The following DTL variants were observed in gnomAD, a reference collection of about 807,000 sequenced individuals.
DTL encodes the protein denticleless E3 ubiquitin protein ligase adapter.
Under a neutral mutation model 87.0 loss-of-function variants are expected in DTL, and 46 were observed. The observed-to-expected ratio is 0.53, with a 90% confidence interval of 0.42 to 0.68. DTL has a LOEUF of 0.68. Ranked by LOEUF, DTL falls within the 30% of genes least tolerant of loss-of-function variation. The pLI, the probability that DTL is intolerant of heterozygous loss-of-function variation, is 0.00. For synonymous variants in DTL, 308 were observed against 311.2 expected (o/e 0.99, Z 0.11); for missense variants, 737 against 869.4 (o/e 0.85, Z 1.91).
intron 5 of DTL, among the ~76,000 whole-genome samples, chr1:212,054,407 C>A (rs2358436): frequency 0.33 from 44,858 of 136,116 alleles, 8,264 homozygotes; most frequent in Middle Eastern, 0.45. Flanking sequence ...ACCACACACA[C>A]AAAAAAAAAA....
intron 14 of DTL, among the ~76,000 whole-genome samples, chr1:212,102,258 G>A (rs1237133670): frequency 6.6e-6 from 1 of 152,102 alleles, no homozygotes; most frequent in Non-Finnish European, 1.5e-5. Flanking sequence ...AATTATGACT[G>A]CTCTTTATCC....
chr1:212,044,345 C>T (rs906953287), intron 2 of DTL, among the ~76,000 whole-genome samples: 2 of 152,170 alleles, frequency 1.3e-5, no homozygotes, highest in African/African-American at 4.8e-5. Context: ...TGGCTCACGC[C>T]TGTAATCCCA....
chr1:212,053,187 T>G (rs1186642373), intron 5 of DTL, among the ~76,000 whole-genome samples: 1 of 152,210 alleles, frequency 6.6e-6, no homozygotes, highest in East Asian at 1.9e-4. Flanking sequence ...AAGTTCACTT[T>G]CTCTATTTTC....
chr1:212,054,425 CA>C (rs1265481295), intron 5 of DTL, among the ~76,000 whole-genome samples: 33 of 150,376 alleles, frequency 2.2e-4, no homozygotes, highest in African/African-American at 7.8e-4. Context: ...AAAAAAACAC[CA>C]AAAAACCCAG....
intron 1 of DTL, 108 bp from the exon 2 acceptor site, chr1:212,042,885 A>G (rs970082978): frequency 2.3e-5 from 24 of 1,034,930 alleles, no homozygotes; most frequent in Middle Eastern, 2.3e-4. Context: ...AAGTGGATCT[A>G]TGTTAATATC....
Position 212,047,485 on chromosome 1 carries a change from T to C in DTL, c.460+68T>C, listed in dbSNP as rs970373599. The stretch of plus-strand genomic sequence containing the variant: ...GCAGTTGGGAGATAAGAACCTGTAA[T>C]TGTTTCTACCCTTTCCCCTGTCAAA... On this transcript the variant is annotated intron_variant, in intron 5 of 14. Coordinates refer to ENST00000366991, the MANE Select transcript of DTL (RefSeq NM_016448.4). 14 of 1,586,932 alleles carry C rather than the reference T, an allele frequency of 8.8e-6. No homozygotes were observed. In the East Asian group the frequency reaches 3.1e-4, roughly 36 times the overall value.
intron 7 of DTL, 21 bp downstream of exon 7, chr1:212,065,050 A>G: frequency 6.6e-7 from 1 of 1,521,898 alleles, no homozygotes; most frequent in South Asian, 1.1e-5. Flanking sequence ...ACAGATGTAT[A>G]CATGTGTGCA....
At chr1:212,058,516 A>C (rs1668247048) in intron 5 of DTL, among the ~76,000 whole-genome samples, 1 of 152,108 alleles carries the variant, frequency 6.6e-6, no homozygotes, top group East Asian at 1.9e-4. Flanking sequence ...ATTGAAACCC[A>C]ACATACCAAA....
In DTL at chr1:212,078,254, T is replaced by G. The variant is rs766206516; in HGVS notation, c.1117T>G (p.Phe373Val). The G allele has an allele frequency of 6.3e-7, 1 of 1,597,940 alleles. No homozygotes were observed. Among genetic ancestry groups the G allele is most frequent in the East Asian group, 2.2e-5 (1 of 44,754 alleles). ...GTCTGTGTGCTGGTGTCCATCTGAC[T>G]TCACAAAGGTTTGTAAATGAATCTC... is the stretch of plus-strand genomic sequence containing the variant. ...VTSVCWCPSDFTKIATCSDDN... is the reference protein window; with the variant it reads ...VTSVCWCPSDVTKIATCSDDN... The change falls in exon 12 of 15, where the codon TTC becomes GTC. Residue 373 changes from phenylalanine to valine, a missense_variant. Physicochemically the swap from Phe to Val is conservative, Grantham distance 50. Transcript: ENST00000366991.
intron 13 of DTL, 35 bp downstream of exon 13, chr1:212,080,785 G>A (rs1409583258): frequency 3.1e-6 from 5 of 1,608,636 alleles, no homozygotes; most frequent in Admixed American, 1.7e-5. Flanking sequence ...GTTTTTTATG[G>A]TTTGACTAGT....
chr1:212,047,086 T>TA lies in DTL; in HGVS notation c.278-64dup, dbSNP rs1393332609. On this transcript the variant is annotated intron_variant, in intron 3 of 14. Transcript: ENST00000366991. ...CTACAGCTTTCCAGGCATTTAAAGT[T>TA]ATATTAATATGGGTACCACAGAATA... The TA allele has an allele frequency of 2.1e-6, 3 of 1,457,636 alleles. No homozygotes were observed. In the East Asian group the frequency reaches 6.8e-5, roughly 33 times the overall value. The allele number at this position is 1,457,636 out of a possible 1,614,324, so 90.3% of individuals were successfully genotyped here. A position where few individuals can be genotyped will look rare whatever the true frequency, so the allele number is the denominator to read the frequency against.
At chr1:212,081,253 A>T (rs771823717) in intron 13 of DTL, among the ~76,000 whole-genome samples, 10 of 152,178 alleles carry the variant, frequency 6.6e-5, no homozygotes, top group Non-Finnish European at 1.2e-4. Context: ...AAGAAAGTGA[A>T]GTAGTAAGCC....
chr1:212,072,397 A>G (rs1654700436), intron 11 of DTL, among the ~76,000 whole-genome samples, 184 bp downstream of exon 11: 1 of 152,210 alleles, frequency 6.6e-6, no homozygotes. Context: ...AATGTATGAC[A>G]CTTTCAGGGC....
At position 212,100,444 on chromosome 1, in the gene DTL, C is replaced by G; in HGVS notation, c.1454C>G (p.Ser485Cys). ...KARSPINRRG[S>C]VSSVSPKPPS... ...CGGTCTCCCATCAACAGAAGAGGCT[C>G]TGTCTCCTCCGTCTCTCCCAAGCCA... is the stretch of plus-strand genomic sequence containing the variant. Residue 485 changes from serine (S) to cysteine (C), a missense_variant, in exon 14 of 15, where the codon TCT becomes TGT. Physicochemically the swap from Ser to Cys is moderately radical, Grantham distance 112 (BLOSUM62 -1). Transcript: ENST00000366991. 6.2e-7 allele frequency: 1 copy of G among 1,614,054 alleles called. No individual in the cohort carries two copies. Among genetic ancestry groups the G allele is most frequent in the Non-Finnish European group, 8.5e-7 (1 of 1,179,986 alleles).
intron 5 of DTL, among the ~76,000 whole-genome samples, chr1:212,062,585 C>T (rs1161255802): frequency 6.6e-6 from 1 of 152,142 alleles, no homozygotes; most frequent in East Asian, 1.9e-4. Flanking sequence ...GAATAAGAAG[C>T]ACTCTGTATT....
At chr1:212,056,392 CTA>C (rs1558075712) in intron 5 of DTL, among the ~76,000 whole-genome samples, 1 of 152,170 alleles carries the variant, frequency 6.6e-6, no homozygotes. Flanking sequence ...ACCAATGACT[CTA>C]TGGCCAAAAG....
intron 13 of DTL, among the ~76,000 whole-genome samples, chr1:212,099,356 C>T (rs1476933403): frequency 2.6e-5 from 4 of 152,190 alleles, no homozygotes; most frequent in Non-Finnish European, 4.4e-5. Flanking sequence ...GCCTCAGCCT[C>T]CTGAGTAGCT....
chr1:212,074,578 T>A (rs1364519275), intron 11 of DTL, among the ~76,000 whole-genome samples: 1 of 152,192 alleles, frequency 6.6e-6, no homozygotes, highest in Non-Finnish European at 1.5e-5. Context: ...CTCTGATATT[T>A]GAGATCCTGG....
intron 14 of DTL, among the ~76,000 whole-genome samples, chr1:212,101,938 A>G (rs1199147214): frequency 2.0e-5 from 3 of 152,114 alleles, no homozygotes; most frequent in African/African-American, 7.2e-5. Flanking sequence ...TGAAGGGGAG[A>G]TGGGTTAAGG....
Sources: allele counts gnomAD v4.1 joint callset (sites outside exome capture counted in the v4.1 genomes callset), GRCh38; gene constraint gnomAD v4.1.1; transcripts MANE v1.5; gene names NCBI Gene and HGNC (gene_info 2026-07-23, HGNC 2026-07-21).